The following MCF2 variants were observed in gnomAD, a reference collection of about 807,000 sequenced individuals.
The protein encoded by MCF2 is MCF.2 cell line derived transforming sequence.
Under a neutral mutation model 82.5 loss-of-function variants are expected in MCF2, and 44 were observed. That is an observed-to-expected ratio of 0.53 (90% CI 0.42 to 0.69). MCF2 has a LOEUF of 0.69. Among genes scored for constraint, MCF2 ranks in the 30% least tolerant of loss-of-function variants. The pLI is 0.00. For synonymous variants in MCF2, 217 were observed against 224.9 expected, an observed-to-expected ratio of 0.96 and a Z score of 0.32; for missense variants, 623 against 663.1, an observed-to-expected ratio of 0.94 and a Z score of 0.66.
chrX:139,611,973 G>C (rs1197389200), intron 10 of MCF2, among the ~76,000 whole-genome samples: 2 of 110,669 alleles, frequency 1.8e-5, no homozygotes, highest in African/African-American at 6.6e-5. Flanking sequence ...CCTAGGAAAG[G>C]GAAGAAGAAG....
At position 139,599,797 on chromosome X, in the gene MCF2, T is replaced by G. The variant is rs6634088; in HGVS notation, c.1837-1299A>C. Among the ~76,000 whole-genome samples, 696 of 111,517 alleles carry G rather than the reference T, an allele frequency of 6.2e-3. 5 individuals are homozygous for G. Among genetic ancestry groups the G allele is most frequent in the African/African-American group, 0.021 (643 of 30,765 alleles). The stretch of plus-strand genomic sequence containing the variant: ...GTAGAGTTACTATATGATCCAGCAC[T>G]TTCACTCCCAGGTGTATAGCCAAGA... On this transcript the variant is annotated intron_variant, in intron 16 of 24. Coordinates refer to ENST00000370576, the Ensembl canonical transcript of MCF2.
At chrX:139,634,222 A>C (rs1214900180) in intron 1 of MCF2, among the ~76,000 whole-genome samples, 1 of 111,439 alleles carries the variant, frequency 9.0e-6, no homozygotes, top group African/African-American at 3.3e-5. Flanking sequence ...TATATGAAAA[A>C]TGTTCCAACT....
chrX:139,646,757 C>A, upstream of MCF2: 2 of 783,712 alleles, frequency 2.6e-6, no homozygotes, highest in South Asian at 2.7e-5. Context: ...TGATATAAAG[C>A]GAATTGAAAA....
exon 9 of MCF2, chrX:139,616,429 C>T (rs150691324): frequency 4.0e-5 from 47 of 1,166,679 alleles, no homozygotes; most frequent in African/African-American, 9.0e-5. Flanking sequence ...TATCTATTTC[C>T]TGATTAGCTA....
At chrX:139,614,696 CTA>C (rs1931761308) in intron 10 of MCF2, among the ~76,000 whole-genome samples, 183 bp downstream of exon 13, 2 of 111,608 alleles carry the variant, frequency 1.8e-5, no homozygotes, top group African/African-American at 3.3e-5. Context: ...TATATCACTA[CTA>C]TGTTTTAGTA....
intron 1 of MCF2, among the ~76,000 whole-genome samples, chrX:139,634,311 G>A (rs1362274127): frequency 8.9e-6 from 1 of 111,792 alleles, no homozygotes; most frequent in African/African-American, 3.2e-5. Context: ...GTGGGGCAAG[G>A]AGTTTATGGG....
At chrX:139,603,778 T>G (rs935507000) in intron 15 of MCF2, among the ~76,000 whole-genome samples, 2 of 110,122 alleles carry the variant, frequency 1.8e-5, no homozygotes, top group Admixed American at 1.9e-4. Context: ...GAGGTTGCAG[T>G]GAGCCGAGAT....
At chrX:139,585,449 G>A (rs1474182499) in intron 23 of MCF2, among the ~76,000 whole-genome samples, 1 of 111,459 alleles carries the variant, frequency 9.0e-6, no homozygotes, top group African/African-American at 3.3e-5. Context: ...TTCTTTGGGG[G>A]CCACAGCATA....
intron 1 of MCF2, among the ~76,000 whole-genome samples, chrX:139,641,963 G>T (rs768314623): frequency 8.1e-5 from 9 of 111,220 alleles, no homozygotes; most frequent in Non-Finnish European, 1.5e-4. Flanking sequence ...GTTTGGAGAA[G>T]AATTGAAACC....
At chrX:139,632,514 G>A in intron 1 of MCF2, 60 bp from the exon 5 acceptor site, 1 of 991,777 alleles carries the variant, frequency 1.0e-6, no homozygotes, top group Non-Finnish European at 1.4e-6. Flanking sequence ...ACTCAACTGA[G>A]CACATATCAG....
chrX:139,661,300 T>C (rs1187760983), intron 1 of MCF2, among the ~76,000 whole-genome samples: 1 of 111,656 alleles, frequency 9.0e-6, no homozygotes. Flanking sequence ...AAGTGTAGGA[T>C]CTTGCATGCT....
intron 1 of MCF2, among the ~76,000 whole-genome samples, chrX:139,678,414 G>T (rs1934923483): frequency 9.0e-6 from 1 of 111,398 alleles, no homozygotes; most frequent in Non-Finnish European, 1.9e-5. Context: ...GGGTAGGATA[G>T]ACTTTTTAAA....
intron 1 of MCF2, among the ~76,000 whole-genome samples, chrX:139,632,910 T>C (rs930793926): frequency 7.2e-5 from 8 of 111,875 alleles, no homozygotes; most frequent in African/African-American, 2.3e-4. Flanking sequence ...CCAATCAATA[T>C]TTACTGAACA....
chrX:139,645,664 C>A (rs369661586), upstream of MCF2: 1 of 1,105,959 alleles, frequency 9.0e-7, no homozygotes, highest in East Asian at 3.0e-5. Flanking sequence ...TTTGCCTGAA[C>A]GATAAGAAGA....
At chrX:139,664,938 T>C (rs1934466384) in intron 1 of MCF2, among the ~76,000 whole-genome samples, 1 of 111,418 alleles carries the variant, frequency 9.0e-6, no homozygotes, top group South Asian at 3.8e-4. Flanking sequence ...GTAGGTTCCC[T>C]TGTGGTCCAA....
At position 139,641,242 on chromosome X, in the gene MCF2, C is replaced by T. The variant is rs765046379; in HGVS notation, c.51+1226G>A. ...GGAACTTTCTGAAAGCTTAAGTTAA[C>T]CTTTGATAACAAAAGTGCTAATATC... On this transcript the variant is annotated intron_variant, in intron 1 of 24. Coordinates refer to ENST00000370576, the Ensembl canonical transcript of MCF2. 8.3e-5 allele frequency among the ~76,000 whole-genome samples: 9 copies of T among 107,863 alleles called. No homozygotes were observed. In the East Asian group the frequency reaches 2.6e-3, roughly 31 times the overall value. The allele number at this position is 107,863 out of a possible 115,157, so 93.7% of individuals were successfully genotyped here.
intron 9 of MCF2, 84 bp downstream of exon 12, chrX:139,616,198 G>T (rs780687749): frequency 4.0e-6 from 2 of 495,403 alleles, no homozygotes; most frequent in Admixed American, 1.0e-4. Context: ...AAAGTTAGCT[G>T]TGAGGTAGTA....
chrX:139,611,425 C>G (rs1324880297), intron 10 of MCF2, among the ~76,000 whole-genome samples: 2 of 111,989 alleles, frequency 1.8e-5, no homozygotes, highest in Non-Finnish European at 3.8e-5. Flanking sequence ...TCAAAGAAAC[C>G]TGTTCTACAG....
chrX:139,692,577 C>T (rs944956510), intron 1 of MCF2, among the ~76,000 whole-genome samples: 131 of 111,862 alleles, frequency 1.2e-3, no homozygotes, highest in Non-Finnish European at 1.3e-3. Flanking sequence ...TTCCCATTTT[C>T]GAGGGACGAA....
Sources: gnomAD v4.1 joint callset for allele counts (sites outside exome capture counted in the v4.1 genomes callset) on GRCh38, gnomAD v4.1.1 for gene constraint, MANE v1.5 for transcripts, NCBI Gene and HGNC (gene_info 2026-07-23, HGNC 2026-07-21) for gene names.